NGFR: variants seen among roughly 807,000 people sequenced by gnomAD.
NGFR encodes nerve growth factor receptor, also known as tumor necrosis factor receptor superfamily member 16.
Under a neutral mutation model 43.2 loss-of-function variants are expected in NGFR, and 30 were observed. The ratio of observed to expected loss-of-function variants is 0.69; its 90% CI spans 0.52 to 0.94. The LOEUF (loss-of-function observed/expected upper bound fraction) is 0.94. Ranked by LOEUF, NGFR falls within the 40% of genes least tolerant of loss-of-function variation. The pLI is 0.00. For missense variants in NGFR, 529 were observed against 602.5 expected (o/e 0.88, Z 1.28); for synonymous variants, 246 against 259.6 (o/e 0.95, Z 0.50).
intron 1 of NGFR, chr17:49,497,683 C>T (rs1353402418): frequency 2.0e-5 from 3 of 152,458 alleles, no homozygotes; most frequent in African/African-American, 4.8e-5. Context: ...AGAGCGCGTC[C>T]CGGCGGGTCG....
In NGFR at chr17:49,495,406, G is replaced by T; in HGVS notation, c.-12G>T. ...CGAGCTGGAAGTCGAGCGCTGCCGC[G>T]GGAGGCGGGCGATGGGGGCAGGTGC... is the stretch of plus-strand genomic sequence containing the variant. On this transcript the variant is annotated 5_prime_UTR_variant, in exon 1 of 6. Transcript: ENST00000172229. This position sits in a 1 kb window ranked among gnomAD's most constrained non-coding sequence, Gnocchi z 6.4. 1.6e-6 allele frequency: 2 copies of T among 1,234,220 alleles called. No homozygotes were observed. The highest frequency in any genetic ancestry group is 2.0e-6 in the Non-Finnish European group (2 of 988,114). 76.5% of individuals were successfully genotyped at this position (1,234,220 alleles called of 1,614,324 possible). A position where few individuals can be genotyped will look rare whatever the true frequency, so the allele number is the denominator to read the frequency against.
rs1458558526 is a variant in NGFR, at chr17:49,510,597, A to T, written c.754A>T (p.Ile252Phe). Reference protein sequence around the residue: ...VVTRGTTDNLIPVYCSILAAV... With the variant: ...VVTRGTTDNLFPVYCSILAAV... ...GACCCGAGGCACCACCGACAACCTC[A>T]TCCCTGTCTATTGCTCCATCCTGGC... Residue 252 changes from isoleucine (I) to phenylalanine (F), a missense_variant, in exon 4 of 6, where the codon ATC becomes TTC. Transcript: ENST00000172229. The T allele has an allele frequency of 6.2e-7, 1 of 1,611,198 alleles. No individual in the cohort carries two copies. Among genetic ancestry groups the T allele is most frequent in the African/African-American group, 1.3e-5 (1 of 74,750 alleles).
chr17:49,508,587 C>T (rs559197038), intron 3 of NGFR, among the ~76,000 whole-genome samples: 9 of 152,310 alleles, frequency 5.9e-5, no homozygotes, highest in Non-Finnish European at 1.0e-4. Flanking sequence ...AACATGGTGA[C>T]TCACCCACCC....
chr17:49,512,415 C>A lies in NGFR; in HGVS notation c.983-293C>A, dbSNP rs973693276. Among the ~76,000 whole-genome samples, 35 of 152,308 alleles carry A rather than the reference C, an allele frequency of 2.3e-4. No individual in the cohort carries two copies. Among genetic ancestry groups the A allele is most frequent in the African/African-American group, 8.2e-4 (34 of 41,558 alleles). The stretch of plus-strand genomic sequence containing the variant: ...CCATAGCCCAGCTCCGGGACACTTG[C>A]TGTAGTTGTCTAGAACTGAGAAGCC... On this transcript the variant is annotated intron_variant, in intron 5 of 5. Coordinates refer to ENST00000172229, the MANE Select transcript of NGFR (RefSeq NM_002507.4). This position sits in a 1 kb window ranked among gnomAD's most constrained non-coding sequence, Gnocchi z 5.2.
At chr17:49,505,656 C>A (rs11466134) in intron 2 of NGFR, 3,253 of 152,468 alleles carry the variant, frequency 0.021, 40 homozygotes, top group Non-Finnish European at 0.033. Context: ...GGCTAAGAGC[C>A]AGCTCTCTAG....
At chr17:49,505,335 G>C (rs2071190474) in intron 2 of NGFR, among the ~76,000 whole-genome samples, 2 of 152,132 alleles carry the variant, frequency 1.3e-5, no homozygotes, top group Admixed American at 6.5e-5. Flanking sequence ...TTGGAGCAAG[G>C]ATAGGTCCTG....
intron 1 of NGFR, among the ~76,000 whole-genome samples, chr17:49,500,386 C>T (rs2071161173): frequency 6.6e-6 from 1 of 152,232 alleles, no homozygotes; most frequent in African/African-American, 2.4e-5. Context: ...GTCCCTACTG[C>T]ATGCCAGATA....
chr17:49,504,916 C>T (rs112631498), intron 2 of NGFR, among the ~76,000 whole-genome samples: 5 of 151,990 alleles, frequency 3.3e-5, no homozygotes, highest in Non-Finnish European at 5.9e-5. Context: ...GGATTACAGA[C>T]GTGCACCACT....
Position 49,510,396 on chromosome 17 carries a change from TG to T in NGFR, c.569-14del, listed in dbSNP as rs746323291. 2 of 1,612,278 alleles carry T rather than the reference TG, an allele frequency of 1.2e-6. No individual in the cohort carries two copies. Among genetic ancestry groups the T allele is most frequent in the South Asian group, 2.2e-5 (2 of 91,054 alleles). On this transcript the variant is annotated splice_polypyrimidine_tract_variant and intron_variant, in intron 3 of 5. Coordinates refer to ENST00000172229, the MANE Select transcript of NGFR (RefSeq NM_002507.4). ...TGGGGGAAGTGGGTCCTCACTCCTG[TG>T]GCCTTTTCTCCCAGAGATCCCTGGC...
chr17:49,496,284 C>G (rs1391704929), intron 1 of NGFR: 1 of 152,282 alleles, frequency 6.6e-6, no homozygotes. Flanking sequence ...CGCTCCTGCT[C>G]GCGGCCTCTC....
chr17:49,501,224 G>GC (rs1359693132), intron 1 of NGFR, among the ~76,000 whole-genome samples: 2 of 152,214 alleles, frequency 1.3e-5, no homozygotes, highest in Non-Finnish European at 2.9e-5. Flanking sequence ...GTTCCCAGTG[G>GC]CCACATGGGG....
intron 2 of NGFR, among the ~76,000 whole-genome samples, chr17:49,502,828 C>CTTCCTTCT (rs1555564732): frequency 3.1e-5 from 4 of 127,252 alleles, no homozygotes; most frequent in African/African-American, 1.2e-4. Flanking sequence ...TCCTTCCTTC[C>CTTCCTTCT]TTCCTTCCTT....
Position 49,512,990 on chromosome 17 carries a change from C to G in NGFR, c.1265C>G (p.Thr422Ser). 6.3e-7 allele frequency: 1 copy of G among 1,581,012 alleles called. No individual in the cohort carries two copies. The highest frequency in any genetic ancestry group is 2.3e-5 in the East Asian group (1 of 44,028). Reference sequence around the variant, plus strand: ...GTGGAGAGTCTGTGCAGTGAGTCCACTGCCACATCCCCGGTGTGAGCCCAA... The same window carrying G: ...GTGGAGAGTCTGTGCAGTGAGTCCAGTGCCACATCCCCGGTGTGAGCCCAA... ...DLVESLCSES[T>S]ATSPV The change falls in exon 6 of 6, where the codon ACT becomes AGT. Residue 422 changes from threonine (T) to serine (S), a missense_variant. Coordinates refer to ENST00000172229, the MANE Select transcript of NGFR (RefSeq NM_002507.4). This position sits in a 1 kb window ranked among gnomAD's most constrained non-coding sequence, Gnocchi z 5.2.
At chr17:49,506,699 G>GGGGGGGGGGGGC in intron 3 of NGFR, 41 bp downstream of exon 3, 1 of 402,094 alleles carries the variant, frequency 2.5e-6, no homozygotes, top group Non-Finnish European at 4.3e-6. Context: ...GGGGTGCGGG[G>GGGGGGGGGGGGC]GTGGGCTGGG....
At chr17:49,501,999 A>AGGGGCCCCCCCCC in intron 1 of NGFR, 64 bp from the exon 2 acceptor site, 9 of 330,976 alleles carry the variant, frequency 2.7e-5, no homozygotes, top group Non-Finnish European at 5.3e-5. Flanking sequence ...TCCCCGGAAG[A>AGGGGCCCCCCCCC]ACCCCCCCCA....
At chr17:49,499,334 A>G (rs1235758194) in intron 1 of NGFR, among the ~76,000 whole-genome samples, 3 of 152,200 alleles carry the variant, frequency 2.0e-5, no homozygotes, top group Non-Finnish European at 4.4e-5. Context: ...AACACAGCCA[A>G]TGGCCACAAA....
At position 49,513,045 on chromosome 17, in the gene NGFR, C is replaced by T. The variant is rs772558635; in HGVS notation, c.*36C>T. ...GGAGCCCCCGCCCCGCCCCACATTC[C>T]GACAACCGATGCTCCAGCCAACCCC... is the stretch of plus-strand genomic sequence containing the variant. On this transcript the variant is annotated 3_prime_UTR_variant, in exon 6 of 6. Coordinates refer to ENST00000172229, the MANE Select transcript of NGFR (RefSeq NM_002507.4). The T allele has an allele frequency of 1.6e-5, 24 of 1,472,058 alleles. No individual in the cohort carries two copies. Among genetic ancestry groups the T allele is most frequent in the Admixed American group, 9.2e-5 (4 of 43,584 alleles). The allele number at this position is 1,472,058 out of a possible 1,614,324, so 91.2% of individuals were successfully genotyped here.
In NGFR at chr17:49,495,340, GAGCGC is replaced by G. The variant is rs11466126; in HGVS notation, c.-64_-60del. ...GCTCCGGCGGGCAGGGGGGGCGCTG[GAGCGC>G]AGCGCAGCGCAGCCCCATCAGTCCG... On this transcript the variant is annotated 5_prime_UTR_variant, in exon 1 of 6. Coordinates refer to ENST00000172229, the MANE Select transcript of NGFR (RefSeq NM_002507.4). The surrounding 1 kb of genome is among the most constrained non-coding windows in gnomAD (Gnocchi z 6.4). The G allele has an allele frequency of 2.3e-5, 25 of 1,110,014 alleles. No homozygotes were observed. Among genetic ancestry groups the G allele is most frequent in the South Asian group, 4.5e-5 (1 of 22,084 alleles). The allele number at this position is 1,110,014 out of a possible 1,614,324, so 68.8% of individuals were successfully genotyped here. A position where few individuals can be genotyped will look rare whatever the true frequency, so the allele number is the denominator to read the frequency against.
At chr17:49,508,678 A>G (rs990156549) in intron 3 of NGFR, among the ~76,000 whole-genome samples, 15 of 152,180 alleles carry the variant, frequency 9.9e-5, no homozygotes, top group African/African-American at 3.6e-4. Context: ...CAGCCCGGAA[A>G]TGGCTGTCAG....
Sources: allele counts gnomAD v4.1 joint callset (sites outside exome capture counted in the v4.1 genomes callset), GRCh38; gene constraint gnomAD v4.1.1; non-coding constraint Gnocchi (gnomAD v3.1); transcripts MANE v1.5; gene names NCBI Gene and HGNC (gene_info 2026-07-23, HGNC 2026-07-21).